Variants in WNK2 observed in about 807,000 individuals in gnomAD.
WNK2 encodes the protein serine/threonine-protein kinase WNK2.
WNK2 carries 67 observed loss-of-function variants against 192.1 expected under a neutral mutation model. The ratio of observed to expected loss-of-function variants is 0.35; its 90% confidence interval spans 0.29 to 0.43. The LOEUF (loss-of-function observed/expected upper bound fraction) is 0.43, where lower values mean the gene tolerates loss of function less well. Among genes scored for constraint, WNK2 ranks in the 20% least tolerant of loss-of-function variants. WNK2 has a pLI of 1.00. For missense variants in WNK2, 2,698 were observed against 3,089.7 expected (o/e 0.87, Z 3.01); for synonymous variants, 1,439 against 1,393.9 (o/e 1.03, Z -0.72).
At chr9:93,236,527 T>C (rs1285048144) in intron 5 of WNK2, among the ~76,000 whole-genome samples, 3 of 152,240 alleles carry the variant, frequency 2.0e-5, no homozygotes, top group Non-Finnish European at 4.4e-5. Flanking sequence ...TTTAAAATTT[T>C]TTAAAATTAG....
chr9:93,228,218 G>A (rs780884857), intron 2 of WNK2, among the ~76,000 whole-genome samples: 1 of 152,162 alleles, frequency 6.6e-6, no homozygotes, highest in Non-Finnish European at 1.5e-5. Flanking sequence ...GAGGGGTCTG[G>A]CGGGTTGATG....
chr9:93,266,748 C>T (rs780843740), intron 16 of WNK2, among the ~76,000 whole-genome samples: 1 of 152,156 alleles, frequency 6.6e-6, no homozygotes, highest in South Asian at 2.1e-4. Flanking sequence ...GAGTGTGGAG[C>T]GCAGAGGAGC....
chr9:93,266,922 C>T (rs1263902675), intron 16 of WNK2: 2 of 152,308 alleles, frequency 1.3e-5, no homozygotes, highest in African/African-American at 4.8e-5. Context: ...CTGGACCCCA[C>T]TGGGTGGTGG....
chr9:93,277,383 T>C (rs1377721775), intron 19 of WNK2, among the ~76,000 whole-genome samples: 1 of 152,224 alleles, frequency 6.6e-6, no homozygotes, highest in Non-Finnish European at 1.5e-5. Context: ...AAATGAAAAC[T>C]TATGTTCACT....
rs374047590 is a variant in WNK2 at position 93,239,838 on chromosome 9, C to T, written c.1404C>T (p.His468=). The T allele has an allele frequency of 3.5e-5, 56 of 1,594,184 alleles. 1 individual carries two copies. In the East Asian group the frequency reaches 7.5e-4, roughly 21 times the overall value. ...GVRVELAEED[H]GRKSTIALRL... ...GGGTGGAGCTCGCGGAGGAGGACCA[C>T]GGCAGGAAGTCCACCATCGCCCTGA... The change falls in exon 7 of 30, where the codon CAC becomes CAT. Residue 468 remains histidine (H), a synonymous_variant. Transcript: ENST00000427277. This position sits in a 1 kb window ranked among gnomAD's most constrained non-coding sequence, Gnocchi z 4.2.
intron 19 of WNK2, among the ~76,000 whole-genome samples, chr9:93,288,237 G>T (rs1475601505): frequency 6.6e-6 from 1 of 152,180 alleles, no homozygotes; most frequent in Non-Finnish European, 1.5e-5. Context: ...CTCCCACAGG[G>T]TCACTGACCA....
chr9:93,259,529 C>T lies in WNK2; in HGVS notation c.2981C>T (p.Pro994Leu), dbSNP rs141835681. The change falls in exon 12 of 30, where the codon CCG (proline) becomes CTG (leucine). Residue 994 changes from proline to leucine, a missense_variant. Around this residue, in one of 7 missense-constraint regions of WNK2, gnomAD observed 893 missense variants for 909.0 expected, o/e 0.98. Coordinates refer to ENST00000427277, the MANE Select transcript of WNK2 (RefSeq NM_006648.4). This position sits in a 1 kb window ranked among gnomAD's most constrained non-coding sequence, Gnocchi z 4.8. ...CTGCCCCCACAACCTGTGCTGCCCCCGCAGCCGGCACTGCCTGTGCGCCCT... is the reference window on the plus strand; with the variant it reads ...CTGCCCCCACAACCTGTGCTGCCCCTGCAGCCGGCACTGCCTGTGCGCCCT... ...PMLPPQPVLP[P>L]QPALPVRPEP... 20 of 1,589,626 alleles carry T rather than the reference C, an allele frequency of 1.3e-5. No homozygotes were observed. Among genetic ancestry groups the T allele is most frequent in the East Asian group, 4.5e-5 (2 of 44,546 alleles).
intron 2 of WNK2, 54 bp downstream of exon 2, chr9:93,185,664 G>A: frequency 1.3e-6 from 2 of 1,559,628 alleles, no homozygotes; most frequent in Non-Finnish European, 1.7e-6. Flanking sequence ...CCGCGAGTGC[G>A]TCCTTGGGCC....
rs71364368 is a variant in WNK2 at position 93,311,613 on chromosome 9, T to TTGTGTGTGTGTGTGTGTGTGTGTGTG, written c.6516+3031_6516+3056dup. On this transcript the variant is annotated intron_variant, in intron 28 of 29. Coordinates refer to ENST00000427277, the MANE Select transcript of WNK2 (RefSeq NM_006648.4). ...AGATTTCCTTTCTGGGTTTTTTTGT[T>TTGTGTGTGTGTGTGTGTGTGTGTGTG]TGTGTGTGTGTGTGTGTGTGTGTGT... 3.2e-4 allele frequency among the ~76,000 whole-genome samples: 47 copies of TTGTGTGTGTGTGTGTGTGTGTGTGTG among 146,188 alleles called. 1 individual carries two copies. The highest frequency in any genetic ancestry group is 1.1e-3 in the African/African-American group (45 of 39,566).
At chr9:93,187,283 G>A (rs1395827946) in intron 2 of WNK2, among the ~76,000 whole-genome samples, 3 of 152,148 alleles carry the variant, frequency 2.0e-5, no homozygotes, top group African/African-American at 7.2e-5. Context: ...TCTGTCCCCT[G>A]CAGGCATGGG....
chr9:93,210,022 G>C (rs1017346187), intron 2 of WNK2, among the ~76,000 whole-genome samples: 38 of 152,154 alleles, frequency 2.5e-4, no homozygotes, highest in Admixed American at 2.0e-4. Context: ...GGGAGTTGGG[G>C]GTTCCCCTCT....
At chr9:93,201,639 C>G (rs140896616) in intron 2 of WNK2, among the ~76,000 whole-genome samples, 1 of 152,334 alleles carries the variant, frequency 6.6e-6, no homozygotes, top group African/African-American at 2.4e-5. Context: ...GCCCTCCCTT[C>G]CCTTCCCTGC....
At chr9:93,316,757 C>G (rs80019840) in intron 28 of WNK2, 1 of 152,536 alleles carries the variant, frequency 6.6e-6, no homozygotes, top group African/African-American at 2.4e-5. Context: ...GCCTGGAGAT[C>G]CCCGTGGTGT....
At chr9:93,284,169 C>G (rs1311688094) in intron 19 of WNK2, among the ~76,000 whole-genome samples, 1 of 152,180 alleles carries the variant, frequency 6.6e-6, no homozygotes, top group Non-Finnish European at 1.5e-5. Flanking sequence ...TGATCTAACC[C>G]AACTCGTCCA....
chr9:93,302,403 G>T (rs1029159931), intron 26 of WNK2, among the ~76,000 whole-genome samples: 4 of 152,098 alleles, frequency 2.6e-5, no homozygotes, highest in Non-Finnish European at 5.9e-5. Context: ...GAGCAGGGTG[G>T]ATGCCAAGGT....
In WNK2 at chr9:93,292,973, C is replaced by T. The variant is rs963337286; in HGVS notation, c.5508C>T (p.Phe1836=). Residue 1836 remains phenylalanine, a synonymous_variant, in exon 23 of 30, where the codon TTC becomes TTT. Coordinates refer to ENST00000427277, the MANE Select transcript of WNK2 (RefSeq NM_006648.4). ...LPVSGSVAGD[F]VKKATAFLQR... The stretch of plus-strand genomic sequence containing the variant: ...TGAGTGGCAGCGTGGCTGGCGACTT[C>T]GTGAAGAAGGCCACCGCCTTCCTGC... 3.9e-6 allele frequency: 6 copies of T among 1,542,822 alleles called. No individual in the cohort carries two copies. Among genetic ancestry groups the T allele is most frequent in the South Asian group, 2.4e-5 (2 of 81,848 alleles).
In WNK2 at chr9:93,252,884, G is replaced by A. The variant is rs774708109; in HGVS notation, c.1836G>A (p.Ser612=). The part of the protein sequence containing the change: ...TLPTSATSLA[S]DSTFDSGQGS... Reference sequence around the variant, plus strand: ...AAGTCCTGCTTTTGTCCTCCCCAGCGGACAGCACCTTCGACAGCGGCCAGG... The same window carrying A: ...AAGTCCTGCTTTTGTCCTCCCCAGCAGACAGCACCTTCGACAGCGGCCAGG... The change falls in exon 9 of 30, where the codon TCG becomes TCA. Residue 612 remains serine (S), a splice_region_variant and synonymous_variant. Coordinates refer to ENST00000427277, the MANE Select transcript of WNK2 (RefSeq NM_006648.4). 4.1e-6 allele frequency: 6 copies of A among 1,477,690 alleles called. No homozygotes were observed. Among genetic ancestry groups the A allele is most frequent in the South Asian group, 2.7e-5 (2 of 73,926 alleles). 91.5% of individuals were successfully genotyped at this position (1,477,690 alleles called of 1,614,324 possible).
At chr9:93,194,137 A>G (rs973690185) in intron 2 of WNK2, among the ~76,000 whole-genome samples, 5 of 152,226 alleles carry the variant, frequency 3.3e-5, no homozygotes, top group Non-Finnish European at 5.9e-5. Context: ...AAAATCCAAA[A>G]TTATAAACCT....
chr9:93,224,362 T>C (rs1253071203), intron 2 of WNK2, among the ~76,000 whole-genome samples: 4 of 152,140 alleles, frequency 2.6e-5, no homozygotes, highest in Non-Finnish European at 5.9e-5. Context: ...CCCTGAAGTG[T>C]CATAGGAGGG....
Sources: gnomAD v4.1 joint callset for allele counts (sites outside exome capture counted in the v4.1 genomes callset) on GRCh38, gnomAD v4.1.1 for gene constraint, gnomAD v4.1.1 regional missense constraint, Gnocchi (gnomAD v3.1) non-coding constraint, MANE v1.5 for transcripts, NCBI Gene and HGNC (gene_info 2026-07-23, HGNC 2026-07-21) for gene names.